Variants in STARD13 observed in about 807,000 individuals in gnomAD.
The protein encoded by STARD13 is stAR-related lipid transfer protein 13.
Under a neutral mutation model 106.4 loss-of-function variants are expected in STARD13, and 62 were observed. The ratio of observed to expected loss-of-function variants is 0.58; its 90% CI spans 0.48 to 0.72. The LOEUF (loss-of-function observed/expected upper bound fraction) is 0.72, where lower values mean the gene tolerates loss of function less well. Among genes scored for constraint, STARD13 ranks in the 30% least tolerant of loss-of-function variants. The pLI is 0.00. For missense variants in STARD13, 1,387 were observed against 1,424.0 expected, an observed-to-expected ratio of 0.97 and a Z score of 0.42; for synonymous variants, 565 against 553.0, an observed-to-expected ratio of 1.02 and a Z score of -0.31.
chr13:33,423,717 G>A, the STARD13 span, among the ~76,000 whole-genome samples: 13 of 152,284 alleles, frequency 8.5e-5, no homozygotes, highest in Admixed American at 3.9e-4. Flanking sequence ...AGGATAGACC[G>A]GATTAAGAAA....
chr13:33,649,463 T>A, the STARD13 span, among the ~76,000 whole-genome samples: 2 of 152,206 alleles, frequency 1.3e-5, no homozygotes, highest in Non-Finnish European at 2.9e-5. Context: ...TTAGAGATAC[T>A]TAATATAATA....
chr13:33,358,012 C>T, the STARD13 span, among the ~76,000 whole-genome samples: 2 of 151,718 alleles, frequency 1.3e-5, no homozygotes, highest in Admixed American at 1.3e-4. Flanking sequence ...GGGCTGCGTG[C>T]GGCGCTTGCG....
the STARD13 span, among the ~76,000 whole-genome samples, chr13:33,491,976 A>G: frequency 9.8e-4 from 149 of 152,176 alleles, no homozygotes; most frequent in Middle Eastern, 3.4e-3. Flanking sequence ...GAAGGGAGAC[A>G]GGGGTGGGGC....
intron 1 of STARD13, among the ~76,000 whole-genome samples, chr13:33,322,567 A>G (rs1343007811): frequency 6.6e-6 from 1 of 152,264 alleles, no homozygotes; most frequent in East Asian, 1.9e-4. Context: ...ACATCTGAAA[A>G]TATGAACAAA....
the STARD13 span, among the ~76,000 whole-genome samples, chr13:33,615,196 G>A: frequency 0.041 from 6,305 of 152,198 alleles, 347 homozygotes; most frequent in East Asian, 0.22. Flanking sequence ...TTTGCCTGGA[G>A]CAATTTAGTG....
chr13:33,387,385 T>C, the STARD13 span, among the ~76,000 whole-genome samples: 1 of 152,156 alleles, frequency 6.6e-6, no homozygotes, highest in Non-Finnish European at 1.5e-5. Context: ...GGGGTTATAA[T>C]GAACAGAAAC....
chr13:33,637,207 T>C, the STARD13 span, among the ~76,000 whole-genome samples: 2 of 152,212 alleles, frequency 1.3e-5, no homozygotes, highest in East Asian at 3.8e-4. Context: ...GTCTTACGAC[T>C]AGTAAGCTGA....
chr13:33,672,366 A>G, the STARD13 span, among the ~76,000 whole-genome samples: 32,527 of 151,942 alleles, frequency 0.21, 6,719 homozygotes, highest in African/African-American at 0.52. Context: ...GGCCTGTCAC[A>G]GGGTGGGGAC....
the STARD13 span, among the ~76,000 whole-genome samples, chr13:33,427,158 A>C: frequency 3.5e-4 from 53 of 152,344 alleles, no homozygotes; most frequent in African/African-American, 1.2e-3. Flanking sequence ...TATGCCCAAT[A>C]GGTGCGTTGT....
the STARD13 span, among the ~76,000 whole-genome samples, chr13:33,416,888 A>G: frequency 6.6e-6 from 1 of 152,222 alleles, no homozygotes; most frequent in Non-Finnish European, 1.5e-5. Context: ...TCCAAAGGAC[A>G]CCATCAAGAA....
intron 1 of STARD13, among the ~76,000 whole-genome samples, chr13:33,265,272 G>T (rs1425030161): frequency 6.6e-6 from 1 of 151,910 alleles, no homozygotes; most frequent in Admixed American, 6.5e-5. Flanking sequence ...TGGGGCAGCT[G>T]CCTGAGGCAA....
At chr13:33,544,854 ATC>A in the STARD13 span, among the ~76,000 whole-genome samples, 1 of 148,946 alleles carries the variant, frequency 6.7e-6, no homozygotes, top group Non-Finnish European at 1.5e-5. Flanking sequence ...GCTCACTGCA[ATC>A]TCTGCCTCCC....
At chr13:33,563,503 G>A in the STARD13 span, among the ~76,000 whole-genome samples, 1 of 147,300 alleles carries the variant, frequency 6.8e-6, no homozygotes, top group South Asian at 2.1e-4. Flanking sequence ...AGTAAATTGT[G>A]CTGGGAAAAC....
chr13:33,501,576 G>C, the STARD13 span, among the ~76,000 whole-genome samples: 1 of 152,138 alleles, frequency 6.6e-6, no homozygotes, highest in Non-Finnish European at 1.5e-5. Context: ...GTGTAAGGAA[G>C]GGATCCAGTT....
chr13:33,673,986 G>A, the STARD13 span, among the ~76,000 whole-genome samples: 7 of 151,176 alleles, frequency 4.6e-5, no homozygotes, highest in African/African-American at 1.5e-4. Context: ...TCAGCCTCCC[G>A]AGTAGCTGGA....
the STARD13 span, among the ~76,000 whole-genome samples, chr13:33,434,639 G>A: frequency 6.6e-6 from 1 of 152,042 alleles, no homozygotes; most frequent in South Asian, 2.1e-4. Flanking sequence ...TCTTCAAACT[G>A]GGGTATTCGG....
intron 1 of STARD13, among the ~76,000 whole-genome samples, chr13:33,315,120 G>A (rs1893280388): frequency 6.6e-6 from 1 of 152,182 alleles, no homozygotes; most frequent in Non-Finnish European, 1.5e-5. Context: ...GGAACAGACA[G>A]ATGCTCATCT....
At chr13:33,507,782 A>G in the STARD13 span, among the ~76,000 whole-genome samples, 1 of 152,218 alleles carries the variant, frequency 6.6e-6, no homozygotes, top group African/African-American at 2.4e-5. Context: ...TTCTCACAAC[A>G]AAGTAAGCTA....
chr13:33,616,465 C>T, the STARD13 span, among the ~76,000 whole-genome samples: 1 of 152,170 alleles, frequency 6.6e-6, no homozygotes, highest in East Asian at 1.9e-4. Context: ...ATGGGAATCT[C>T]AGAAATCTAG....
Sources: allele counts gnomAD v4.1 joint callset (sites outside exome capture counted in the v4.1 genomes callset), GRCh38; gene constraint gnomAD v4.1.1; transcripts MANE v1.5; gene names NCBI Gene and HGNC (gene_info 2026-07-23, HGNC 2026-07-21).